The following GRID1 variants were observed in gnomAD, a reference collection of about 807,000 sequenced individuals.
GRID1 encodes the protein glutamate receptor ionotropic, delta-1.
Under a neutral mutation model 98.0 loss-of-function variants are expected in GRID1, and 28 were observed. The observed-to-expected ratio is 0.29, with a 90% CI of 0.21 to 0.39. The LOEUF is 0.39. Ranked by LOEUF, GRID1 falls within the 10% of genes least tolerant of loss-of-function variation. GRID1 has a pLI of 1.00. For synonymous variants in GRID1, 553 were observed against 538.5 expected, an observed-to-expected ratio of 1.03 and a Z score of -0.37; for missense variants, 1,111 against 1,340.5, an observed-to-expected ratio of 0.83 and a Z score of 2.67.
At chr10:85,930,741 C>T (rs866304801) in intron 4 of GRID1, among the ~76,000 whole-genome samples, 24 of 152,116 alleles carry the variant, frequency 1.6e-4, no homozygotes, top group Middle Eastern at 3.4e-3. Context: ...TTTAACTTTG[C>T]TATCATATTG....
chr10:86,152,501 A>C (rs1845183162), intron 3 of GRID1, among the ~76,000 whole-genome samples: 1 of 152,246 alleles, frequency 6.6e-6, no homozygotes, highest in African/African-American at 2.4e-5. Flanking sequence ...GAGAGCCCCC[A>C]TAGCTGGAGC....
chr10:85,726,115 G>C (rs1428701389), intron 10 of GRID1, among the ~76,000 whole-genome samples: 1 of 152,024 alleles, frequency 6.6e-6, no homozygotes, highest in Admixed American at 6.5e-5. Flanking sequence ...ACAGGGGACA[G>C]GGGACACTCC....
chr10:86,153,127 C>T (rs933385323), intron 3 of GRID1, among the ~76,000 whole-genome samples: 10 of 152,128 alleles, frequency 6.6e-5, no homozygotes, highest in African/African-American at 2.4e-4. Flanking sequence ...CAGAGCTTCC[C>T]GTGCCTGAGC....
chr10:85,894,395 T>C (rs964745315), intron 5 of GRID1, among the ~76,000 whole-genome samples: 2 of 152,080 alleles, frequency 1.3e-5, no homozygotes, highest in Non-Finnish European at 2.9e-5. Context: ...AAAAAGAGTA[T>C]AATACAGGTA....
intron 12 of GRID1, among the ~76,000 whole-genome samples, chr10:85,716,789 T>C (rs1841644843): frequency 6.6e-6 from 1 of 150,838 alleles, no homozygotes; most frequent in East Asian, 1.9e-4. Context: ...TGGGTGAACC[T>C]AGAGGATATT....
chr10:85,877,966 G>A (rs994523744), intron 5 of GRID1, among the ~76,000 whole-genome samples: 1 of 152,228 alleles, frequency 6.6e-6, no homozygotes, highest in African/African-American at 2.4e-5. Context: ...AGAACTACGT[G>A]AAGAATGCAG....
intron 4 of GRID1, among the ~76,000 whole-genome samples, chr10:86,004,594 T>G (rs1842837400): frequency 6.6e-6 from 1 of 152,164 alleles, no homozygotes; most frequent in South Asian, 2.1e-4. Context: ...CAGATGGCCT[T>G]CAAACTTCAT....
chr10:86,032,207 G>A (rs1169268486), intron 4 of GRID1, among the ~76,000 whole-genome samples: 1 of 152,092 alleles, frequency 6.6e-6, no homozygotes, highest in Non-Finnish European at 1.5e-5. Context: ...GAGGGAGGTG[G>A]GGGGGCAGCC....
chr10:86,158,258 C>G (rs1845273337), intron 3 of GRID1, among the ~76,000 whole-genome samples: 1 of 152,190 alleles, frequency 6.6e-6, no homozygotes, highest in African/African-American at 2.4e-5. Flanking sequence ...CCTCTCACCT[C>G]TCTGCACCTT....
chr10:85,800,429 G>C (rs1590237812), intron 8 of GRID1, among the ~76,000 whole-genome samples: 1 of 151,898 alleles, frequency 6.6e-6, no homozygotes, highest in African/African-American at 2.4e-5. Flanking sequence ...TTGTTACATA[G>C]AGAAAAATTT....
intron 8 of GRID1, among the ~76,000 whole-genome samples, chr10:85,769,699 C>G (rs1358383798): frequency 1.3e-5 from 2 of 152,224 alleles, no homozygotes; most frequent in African/African-American, 4.8e-5. Context: ...GAGGGTCCTA[C>G]ACCCACGGAG....
intron 3 of GRID1, among the ~76,000 whole-genome samples, chr10:86,152,689 G>C (rs527786760): frequency 6.6e-6 from 1 of 152,230 alleles, no homozygotes; most frequent in Non-Finnish European, 1.5e-5. Context: ...AAATTGGGCA[G>C]AGTGAGGCTG....
intron 2 of GRID1, among the ~76,000 whole-genome samples, chr10:86,265,557 C>A (rs1289595429): frequency 6.6e-6 from 1 of 152,248 alleles, no homozygotes. Context: ...ACCAGCCCTG[C>A]CACGTGGCTG....
At chr10:85,604,794 C>T (rs1332328752) in intron 15 of GRID1, among the ~76,000 whole-genome samples, 5 of 152,300 alleles carry the variant, frequency 3.3e-5, no homozygotes, top group Non-Finnish European at 5.9e-5. Flanking sequence ...TGTAAGACTA[C>T]TTTAGGAATA....
chr10:86,078,146 G>A (rs1241666310), intron 4 of GRID1, among the ~76,000 whole-genome samples: 1 of 152,248 alleles, frequency 6.6e-6, no homozygotes, highest in African/African-American at 2.4e-5. Context: ...CCAAGGAAAT[G>A]CATACGGATT....
At chr10:85,702,110 A>G (rs1481106790) in intron 12 of GRID1, among the ~76,000 whole-genome samples, 1 of 152,194 alleles carries the variant, frequency 6.6e-6, no homozygotes, top group Non-Finnish European at 1.5e-5. Context: ...TTAGAAAAGC[A>G]TATGCTAAGG....
chr10:85,710,833 G>A (rs1297756128), intron 12 of GRID1, among the ~76,000 whole-genome samples: 1 of 151,964 alleles, frequency 6.6e-6, no homozygotes, highest in African/African-American at 2.4e-5. Context: ...AAGGAGATAT[G>A]CAAATTTGAC....
At chr10:86,046,627 T>C (rs1843428068) in intron 4 of GRID1, among the ~76,000 whole-genome samples, 1 of 152,166 alleles carries the variant, frequency 6.6e-6, no homozygotes, top group African/African-American at 2.4e-5. Flanking sequence ...AGATTGGATA[T>C]AACAGTTAAC....
chr10:85,776,369 A>G (rs1205541976), intron 8 of GRID1, among the ~76,000 whole-genome samples: 3 of 152,252 alleles, frequency 2.0e-5, no homozygotes, highest in African/African-American at 7.2e-5. Context: ...AACGTAGAGC[A>G]GACAATTGAT....
Sources: gnomAD v4.1 joint callset for allele counts (sites outside exome capture counted in the v4.1 genomes callset) on GRCh38, gnomAD v4.1.1 for gene constraint, MANE v1.5 for transcripts, NCBI Gene and HGNC (gene_info 2026-07-23, HGNC 2026-07-21) for gene names.